COL4A4: variants seen among roughly 807,000 people sequenced by gnomAD.
COL4A4 encodes the protein collagen alpha-4(IV) chain.
In COL4A4, 105 loss-of-function variants were observed where a neutral mutation model predicts 192.9. The ratio of observed to expected loss-of-function variants is 0.54; its 90% CI spans 0.46 to 0.64. COL4A4 has a LOEUF of 0.64. COL4A4 is among the 30% of genes least tolerant of loss of function. The probability of loss-of-function intolerance (pLI) is 0.00; values close to 1 mark genes in which losing one functional copy is unlikely to be tolerated. For missense variants in COL4A4, 1,967 were observed against 2,169.3 expected, an observed-to-expected ratio of 0.91 and a Z score of 1.85; for synonymous variants, 762 against 769.9, an observed-to-expected ratio of 0.99 and a Z score of 0.17.
At chr2:227,050,867 G>A (rs1040524058) in intron 33 of COL4A4, 110 bp downstream of exon 33, 23 of 1,276,086 alleles carry the variant, frequency 1.8e-5, no homozygotes, top group Non-Finnish European at 2.4e-5. Flanking sequence ...CATTCTAAAA[G>A]CCAGTGAAAG....
chr2:227,042,900 G>A (rs1171986956), intron 36 of COL4A4, among the ~76,000 whole-genome samples, 177 bp downstream of exon 36: 1 of 152,220 alleles, frequency 6.6e-6, no homozygotes, highest in Non-Finnish European at 1.5e-5. Flanking sequence ...GTCACTCAGT[G>A]AAACCCACTA....
intron 41 of COL4A4, among the ~76,000 whole-genome samples, chr2:227,029,882 A>G (rs1163241950): frequency 1.3e-5 from 2 of 152,216 alleles, no homozygotes; most frequent in Non-Finnish European, 2.9e-5. Flanking sequence ...AAGCTGTCCA[A>G]TACAGAAGCT....
chr2:227,042,671 G>A lies in COL4A4; in HGVS notation c.3397+406C>T, dbSNP rs759155289. Among the ~76,000 whole-genome samples, 292 of 152,182 alleles carry A rather than the reference G, an allele frequency of 1.9e-3. 3 individuals carry two copies. The highest frequency in any genetic ancestry group is 2.1e-3 in the Non-Finnish European group (143 of 68,012). On this transcript the variant is annotated intron_variant, in intron 36 of 47. Coordinates refer to ENST00000396625, the MANE Select transcript of COL4A4 (RefSeq NM_000092.5). ...CACAGTGGCTCATGCCTGTAATCCC[G>A]GCACTTTGGGAGGCTGAGACAGCCT...
intron 25 of COL4A4, among the ~76,000 whole-genome samples, chr2:227,063,417 AT>A (rs1379530080): frequency 1.3e-5 from 2 of 152,122 alleles, no homozygotes; most frequent in African/African-American, 4.8e-5. Flanking sequence ...ATGACATCAG[AT>A]TTTGTTGGGT....
chr2:227,158,967 TA>T (rs1217369627), intron 1 of COL4A4, among the ~76,000 whole-genome samples: 1 of 152,138 alleles, frequency 6.6e-6, no homozygotes, highest in African/African-American at 2.4e-5. Context: ...GGTATTTACT[TA>T]AGAGAAATGA....
chr2:227,153,531 G>C (rs1489461154), intron 1 of COL4A4, among the ~76,000 whole-genome samples: 2 of 152,268 alleles, frequency 1.3e-5, no homozygotes, highest in African/African-American at 4.8e-5. Flanking sequence ...ATAAGCCACT[G>C]ACCCAAAGCA....
chr2:227,027,114 C>T (rs371044580), intron 42 of COL4A4, among the ~76,000 whole-genome samples: 20 of 151,922 alleles, frequency 1.3e-4, no homozygotes, highest in African/African-American at 4.1e-4. Context: ...ATTAGCTAGG[C>T]GCAGTGGCAC....
intron 35 of COL4A4, among the ~76,000 whole-genome samples, chr2:227,043,755 T>C (rs1241963867): frequency 6.6e-6 from 1 of 152,212 alleles, no homozygotes; most frequent in Non-Finnish European, 1.5e-5. Context: ...CATCACACCG[T>C]AGTGTAATTC....
At chr2:227,140,108 A>G in intron 4 of COL4A4, 53 bp downstream of exon 4, 1 of 1,475,446 alleles carries the variant, frequency 6.8e-7, no homozygotes, top group Non-Finnish European at 9.5e-7. Context: ...TTAAATATTC[A>G]CAAGTTCTCA....
intron 1 of COL4A4, among the ~76,000 whole-genome samples, chr2:227,158,668 G>C (rs560437278): frequency 1.3e-5 from 2 of 151,814 alleles, no homozygotes; most frequent in East Asian, 1.9e-4. Context: ...AAAAAGATTT[G>C]AATAGGCACT....
chr2:227,102,775 C>A lies in COL4A4; in HGVS notation c.930+14G>T. 2 of 1,608,830 alleles carry A rather than the reference C, an allele frequency of 1.2e-6. No individual in the cohort carries two copies. The highest frequency in any genetic ancestry group is 1.7e-6 in the Non-Finnish European group (2 of 1,175,204). On this transcript the variant is annotated intron_variant, in intron 15 of 47. Coordinates refer to ENST00000396625, the MANE Select transcript of COL4A4 (RefSeq NM_000092.5). The stretch of plus-strand genomic sequence containing the variant: ...TCTCCAAATTCACTGATGTTAACAG[C>A]AAATGATGCTTACCCGAGGCCCTGG...
At chr2:227,073,466 C>G (rs188782546) in intron 25 of COL4A4, among the ~76,000 whole-genome samples, 148 of 152,146 alleles carry the variant, frequency 9.7e-4, no homozygotes, top group African/African-American at 3.3e-3. Context: ...AATGACCACA[C>G]TTCAAAAGTA....
At chr2:227,161,284 AGT>A (rs1288622676) in intron 1 of COL4A4, among the ~76,000 whole-genome samples, 1 of 152,254 alleles carries the variant, frequency 6.6e-6, no homozygotes, top group African/African-American at 2.4e-5. Context: ...CTATTTAAAC[AGT>A]GTGTAGAAAA....
intron 22 of COL4A4, among the ~76,000 whole-genome samples, chr2:227,085,808 T>C (rs1409128173): frequency 1.3e-5 from 2 of 152,050 alleles, no homozygotes; most frequent in Non-Finnish European, 2.9e-5. Context: ...CCTCAAACAC[T>C]GGGGATTACA....
rs1472013345 is a variant in COL4A4, at chr2:227,045,899, TA to T, written c.3289+1575del. Among the ~76,000 whole-genome samples, 343 of 88,736 alleles carry T rather than the reference TA, an allele frequency of 3.9e-3. 27 individuals carry two copies. Among genetic ancestry groups the T allele is most frequent in the African/African-American group, 7.9e-3 (178 of 22,468 alleles). The allele number at this position is 88,736 out of a possible 152,430, so 58.2% of individuals were successfully genotyped here. A position where few individuals can be genotyped will look rare whatever the true frequency, so the allele number is the denominator to read the frequency against. The stretch of plus-strand genomic sequence containing the variant: ...ACATATATATGTATATATATTTAGA[TA>T]GTATATATATGTATGTATATGTATA... On this transcript the variant is annotated intron_variant, in intron 35 of 47. Coordinates refer to ENST00000396625, the MANE Select transcript of COL4A4 (RefSeq NM_000092.5).
rs562770163 is a variant in COL4A4 at position 227,054,727 on chromosome 2, C to T, written c.2727G>A (p.Gly909=). ...CGGGAAAACCTGGGAAACCAGGCAG[C>T]CCCCGGGGTCCTGGTGAAATGAGAG... ...PGPPGPKGPR[G]LPGFPGFPGE... Residue 909 remains glycine (G), a synonymous_variant, in exon 31 of 48, where the codon GGG becomes GGA. Coordinates refer to ENST00000396625, the MANE Select transcript of COL4A4 (RefSeq NM_000092.5). The T allele has an allele frequency of 1.2e-6, 2 of 1,613,870 alleles. No homozygotes were observed. Among genetic ancestry groups the T allele is most frequent in the African/African-American group, 1.3e-5 (1 of 75,038 alleles).
At chr2:227,113,142 T>C in intron 8 of COL4A4, among the ~76,000 whole-genome samples, 1 of 152,220 alleles carries the variant, frequency 6.6e-6, no homozygotes, top group Non-Finnish European at 1.5e-5. Flanking sequence ...ACCATATTAT[T>C]TTCCACAGGG....
intron 1 of COL4A4, among the ~76,000 whole-genome samples, chr2:227,147,915 A>T (rs1462869942): frequency 6.6e-6 from 1 of 151,264 alleles, no homozygotes; most frequent in East Asian, 1.9e-4. Flanking sequence ...CTTCTGTTTA[A>T]TTTTTTCCCT....
At chr2:227,109,202 A>G in intron 10 of COL4A4, 22 bp downstream of exon 10, 4 of 1,608,682 alleles carry the variant, frequency 2.5e-6, no homozygotes, top group Non-Finnish European at 3.4e-6. Flanking sequence ...TAAAGGGATC[A>G]CATCAGCAGT....
Sources: allele counts gnomAD v4.1 joint callset (sites outside exome capture counted in the v4.1 genomes callset), GRCh38; gene constraint gnomAD v4.1.1; transcripts MANE v1.5; gene names NCBI Gene and HGNC (gene_info 2026-07-23, HGNC 2026-07-21).